LRP1B: variants seen among roughly 807,000 people sequenced by gnomAD.
The protein encoded by LRP1B is low-density lipoprotein receptor-related protein 1B.
In LRP1B, 217 loss-of-function variants were observed where a neutral mutation model predicts 556.6. That is an observed-to-expected ratio of 0.39 (90% CI 0.35 to 0.44). The LOEUF (loss-of-function observed/expected upper bound fraction) is 0.44, where lower values mean the gene tolerates loss of function less well. Among genes scored for constraint, LRP1B ranks in the 20% least tolerant of loss-of-function variants. The pLI is 1.00. For synonymous variants in LRP1B, 2,047 were observed against 1,865.8 expected (o/e 1.10, Z -2.50); for missense variants, 5,053 against 5,620.8 (o/e 0.90, Z 3.23).
At chr2:141,323,111 A>G (rs774516200) in intron 3 of LRP1B, among the ~76,000 whole-genome samples, 14 of 152,084 alleles carry the variant, frequency 9.2e-5, no homozygotes, top group Non-Finnish European at 1.9e-4. Flanking sequence ...TGCTGCTACT[A>G]CTAATGTCTT....
At chr2:142,117,097 A>T (rs768504867) in intron 1 of LRP1B, among the ~76,000 whole-genome samples, 1 of 152,074 alleles carries the variant, frequency 6.6e-6, no homozygotes, top group Non-Finnish European at 1.5e-5. Context: ...TCCCACACGG[A>T]ATATTTTCCC....
At chr2:141,284,391 T>C (rs950374889) in intron 3 of LRP1B, among the ~76,000 whole-genome samples, 2 of 152,116 alleles carry the variant, frequency 1.3e-5, no homozygotes, top group Non-Finnish European at 2.9e-5. Context: ...GGTGGCAGTG[T>C]GAAAGAAAGA....
chr2:140,491,437 A>G (rs1210758002), intron 57 of LRP1B, among the ~76,000 whole-genome samples: 1 of 152,056 alleles, frequency 6.6e-6, no homozygotes, highest in African/African-American at 2.4e-5. Context: ...CAGAGACTAT[A>G]CTAGAAAATA....
intron 3 of LRP1B, among the ~76,000 whole-genome samples, chr2:141,322,562 G>T (rs1241343127): frequency 1.3e-5 from 2 of 151,912 alleles, no homozygotes; most frequent in Non-Finnish European, 2.9e-5. Flanking sequence ...GAATCAATAT[G>T]GACCATCCTT....
chr2:141,186,451 AC>A (rs1681263058), intron 7 of LRP1B, among the ~76,000 whole-genome samples: 1 of 152,036 alleles, frequency 6.6e-6, no homozygotes, highest in Admixed American at 6.6e-5. Context: ...ATCAATCCTA[AC>A]TAAATTTCTG....
chr2:140,525,034 T>C (rs1385779), intron 49 of LRP1B, among the ~76,000 whole-genome samples: 33,856 of 149,342 alleles, frequency 0.23, 4,616 homozygotes, highest in East Asian at 0.59. Context: ...CAGACTTTCA[T>C]AGTAGATTGT....
At chr2:140,882,305 A>G (rs1187076666) in intron 25 of LRP1B, among the ~76,000 whole-genome samples, 2 of 152,136 alleles carry the variant, frequency 1.3e-5, no homozygotes, top group East Asian at 1.9e-4. Flanking sequence ...TCAGGAATAA[A>G]ATATTGAAAA....
At position 140,502,982 on chromosome 2, in the gene LRP1B, G is replaced by A. The variant is rs2104895649; in HGVS notation, c.8643C>T (p.Asn2881=). 1 of 1,613,078 alleles carries A rather than the reference G, an allele frequency of 6.2e-7. No homozygotes were observed. Residue 2881 remains asparagine (N), a synonymous_variant, in exon 54 of 91, where the codon AAC becomes AAT. Transcript: ENST00000389484. ...CPDHSDEAPL[N]PKCKSAEQSC... ...CTGTACCTGCACTTTTACACTTTGG[G>A]TTTAAAGGTGCTTCATCAGAATGGT... is the stretch of plus-strand genomic sequence containing the variant.
chr2:140,826,203 G>T lies in LRP1B; in HGVS notation c.5210-12397C>A, dbSNP rs117725901. On this transcript the variant is annotated intron_variant, in intron 31 of 90. Transcript: ENST00000389484. The stretch of plus-strand genomic sequence containing the variant: ...TTTTGCAACAAATAACATATATGTA[G>T]GTATACATATACATCAGGTCCTTGA... Among the ~76,000 whole-genome samples, 16 of 152,168 alleles carry T rather than the reference G, an allele frequency of 1.1e-4. No individual in the cohort carries two copies. In the East Asian group the frequency reaches 1.9e-3, roughly 18 times the overall value.
chr2:141,944,173 T>A (rs982800034), intron 1 of LRP1B, among the ~76,000 whole-genome samples: 1 of 152,098 alleles, frequency 6.6e-6, no homozygotes, highest in Non-Finnish European at 1.5e-5. Flanking sequence ...GAGACGTTCA[T>A]CCCAGCTGGG....
At position 140,314,985 on chromosome 2, in the gene LRP1B, T is replaced by A; in HGVS notation, c.12755A>T (p.His4252Leu). 1 of 1,611,582 alleles carries A rather than the reference T, an allele frequency of 6.2e-7. No homozygotes were observed. The highest frequency in any genetic ancestry group is 8.5e-7 in the Non-Finnish European group (1 of 1,178,658). Residue 4252 changes from histidine (H) to leucine (L), a missense_variant, in exon 83 of 91, where the codon CAC becomes CTC. His to Leu is a moderately conservative substitution (Grantham distance 99, BLOSUM62 -3). This residue lies in a region of LRP1B where 551 missense variants were observed against 592.0 expected (regional missense o/e 0.93). Transcript: ENST00000389484. Reference sequence around the variant, plus strand: ...TCCATTCTGGCAGTAGTTGCTACAGTGGTTGACTTCACATCTTTCTCCTGA... The same window carrying A: ...TCCATTCTGGCAGTAGTTGCTACAGAGGTTGACTTCACATCTTTCTCCTGA... ...SYSGERCEVN[H>L]CSNYCQNGGT...
intron 2 of LRP1B, among the ~76,000 whole-genome samples, chr2:141,759,946 C>G (rs2105590446): frequency 6.6e-6 from 1 of 152,210 alleles, no homozygotes; most frequent in East Asian, 1.9e-4. Flanking sequence ...GCCTGGCCAA[C>G]ATGGCGTAAC....
chr2:141,946,494 A>C (rs1175827116), intron 1 of LRP1B, among the ~76,000 whole-genome samples: 1 of 152,104 alleles, frequency 6.6e-6, no homozygotes. Flanking sequence ...TATTAGCCAC[A>C]GGGGGGAAAC....
intron 84 of LRP1B, among the ~76,000 whole-genome samples, chr2:140,289,614 TA>T (rs1469810330): frequency 9.2e-5 from 14 of 151,932 alleles, no homozygotes; most frequent in Non-Finnish European, 8.8e-5. Context: ...CTTTTTTTTT[TA>T]ATGAAGGCAT....
chr2:141,642,004 CA>C (rs199556947), intron 2 of LRP1B, among the ~76,000 whole-genome samples: 1 of 139,454 alleles, frequency 7.2e-6, no homozygotes, highest in Non-Finnish European at 1.6e-5. Flanking sequence ...AACAAACAAA[CA>C]AAACCCCCCC....
chr2:140,501,422 A>C (rs1689181009), intron 55 of LRP1B, among the ~76,000 whole-genome samples: 1 of 152,022 alleles, frequency 6.6e-6, no homozygotes, highest in Non-Finnish European at 1.5e-5. Flanking sequence ...ATTGTCTCTG[A>C]TCACTAGTCT....
intron 7 of LRP1B, among the ~76,000 whole-genome samples, chr2:141,160,883 A>G (rs980611782): frequency 6.6e-5 from 10 of 151,770 alleles, no homozygotes; most frequent in African/African-American, 2.4e-4. Flanking sequence ...CCAAAGGGCT[A>G]TATACCAAAA....
intron 2 of LRP1B, among the ~76,000 whole-genome samples, chr2:141,779,419 C>T (rs1222582982): frequency 1.5e-5 from 2 of 130,834 alleles, no homozygotes; most frequent in East Asian, 2.3e-4. Context: ...AAAATAAAAA[C>T]TTTTTTTTTT....
chr2:141,702,570 T>G (rs1161582937), intron 2 of LRP1B, among the ~76,000 whole-genome samples: 1 of 134,240 alleles, frequency 7.4e-6, no homozygotes, highest in East Asian at 2.7e-4. Flanking sequence ...GGTGGCCACC[T>G]GTAGGTCTAG....
Sources: allele counts gnomAD v4.1 joint callset (sites outside exome capture counted in the v4.1 genomes callset), GRCh38; gene constraint gnomAD v4.1.1; regional missense constraint gnomAD v4.1.1; transcripts MANE v1.5; gene names NCBI Gene and HGNC (gene_info 2026-07-23, HGNC 2026-07-21).